The following NDUFV3 variants were observed in gnomAD, a reference collection of about 807,000 sequenced individuals.
The protein encoded by NDUFV3 is NADH dehydrogenase [ubiquinone] flavoprotein 3, mitochondrial.
A neutral mutation model predicts 37.5 loss-of-function variants in NDUFV3; 44 were observed. The observed-to-expected ratio is 1.17, with a 90% CI of 0.92 to 1.51. NDUFV3 has a LOEUF of 1.51. Ranked by LOEUF, NDUFV3 falls within the 40% of genes most tolerant of loss-of-function variation. The probability of loss-of-function intolerance (pLI) is 0.00; values close to 1 mark genes in which losing one functional copy is unlikely to be tolerated. For missense variants in NDUFV3, 580 were observed against 580.4 expected, an observed-to-expected ratio of 1.00 and a Z score of 0.01; for synonymous variants, 235 against 239.3, an observed-to-expected ratio of 0.98 and a Z score of 0.17.
intron 2 of NDUFV3, among the ~76,000 whole-genome samples, 179 bp downstream of exon 2, chr21:42,897,226 T>A (rs1427826593): frequency 1.3e-5 from 2 of 152,204 alleles, no homozygotes; most frequent in Non-Finnish European, 2.9e-5. Context: ...AACATTTCAG[T>A]CATGTCGTAG....
At position 42,904,166 on chromosome 21, in the gene NDUFV3, T is replaced by C. The variant is rs747823989; in HGVS notation, c.1154T>C (p.Val385Ala). 5.6e-6 allele frequency: 9 copies of C among 1,614,204 alleles called. No individual in the cohort carries two copies. The East Asian group carries it at 1.3e-4, about 24-fold the overall frequency. The change falls in exon 3 of 4, where the codon GTT becomes GCT. Residue 385 changes from valine to alanine, a missense_variant. By Grantham distance (64) the Val-to-Ala change is moderately conservative. Coordinates refer to ENST00000354250, the MANE Select transcript of NDUFV3 (RefSeq NM_021075.4). ...CCAAGCAATTTGGAGACAGTTCCTGTTGAGAATAACCACGGTTTCCATGAA... is the reference window on the plus strand; with the variant it reads ...CCAAGCAATTTGGAGACAGTTCCTGCTGAGAATAACCACGGTTTCCATGAA... ...IPPSNLETVP[V>A]ENNHGFHEKT... is the part of the protein sequence containing the mutation.
intron 3 of NDUFV3, among the ~76,000 whole-genome samples, chr21:42,905,329 G>A (rs965225344): frequency 1.5e-4 from 23 of 152,158 alleles, no homozygotes; most frequent in African/African-American, 5.6e-4. Context: ...CTAGATGATT[G>A]CTTTCAGCAT....
At position 42,896,966 on chromosome 21, in the gene NDUFV3, T is replaced by C. The variant is rs2058694511; in HGVS notation, c.88T>C (p.Ser30Pro). ...QEAQVFRGLA[S>P]TVSLSAESGK... ...AGCCCAGGTGTTTCGAGGACTTGCTTCTACGGTTTCTTTGTCTGCGGAATC... is the reference window on the plus strand; with the variant it reads ...AGCCCAGGTGTTTCGAGGACTTGCTCCTACGGTTTCTTTGTCTGCGGAATC... The change falls in exon 2 of 4, where the codon TCT becomes CCT. Residue 30 changes from serine (S) to proline (P), a missense_variant. Coordinates refer to ENST00000354250, the MANE Select transcript of NDUFV3 (RefSeq NM_021075.4). The C allele has an allele frequency of 3.7e-6, 6 of 1,613,952 alleles. No individual in the cohort carries two copies. The African/African-American group carries it at 4.0e-5, about 11-fold the overall frequency.
rs752916540 is a variant in NDUFV3, at chr21:42,904,203, G to A, written c.1191G>A (p.Ala397=). The A allele has an allele frequency of 2.4e-5, 38 of 1,613,932 alleles. No individual in the cohort carries two copies. The highest frequency in any genetic ancestry group is 7.7e-5 in the South Asian group (7 of 91,062). The change falls in exon 3 of 4, where the codon GCG becomes GCA. Residue 397 remains alanine, a synonymous_variant. Transcript: ENST00000354250. ...NNHGFHEKTA[A]LKLEAEGEAM... ...ACGGTTTCCATGAAAAGACAGCAGC[G>A]CTGAAGCTTGAGGCCGAGGGCGAGG...
At chr21:42,896,276 C>A (rs1226481192) in intron 1 of NDUFV3, among the ~76,000 whole-genome samples, 4 of 151,408 alleles carry the variant, frequency 2.6e-5, no homozygotes, top group Admixed American at 2.6e-4. Context: ...CCTGCCTCAG[C>A]CTCCCAAGTA....
intron 2 of NDUFV3, among the ~76,000 whole-genome samples, chr21:42,898,098 CCTT>C (rs900650370): frequency 1.2e-4 from 18 of 152,294 alleles, no homozygotes; most frequent in Non-Finnish European, 2.5e-4. Context: ...TTTTCTTCCT[CCTT>C]GGTCTGTGCA....
chr21:42,908,799 G>T, intron 3 of NDUFV3, 65 bp from the exon 4 acceptor site: 2 of 1,590,568 alleles, frequency 1.3e-6, no homozygotes, highest in Non-Finnish European at 1.7e-6. Flanking sequence ...GCCTGTGTGT[G>T]AGCCGAGTCA....
rs189825413 is a variant in NDUFV3 at position 42,906,659 on chromosome 21, C to T, written c.1265-2205C>T. Among the ~76,000 whole-genome samples, 979 of 152,340 alleles carry T rather than the reference C, an allele frequency of 6.4e-3. 7 individuals carry two copies. Among genetic ancestry groups the T allele is most frequent in the African/African-American group, 0.021 (859 of 41,578 alleles). ...TGTTGTTTCTTAACTATCTTCTGTG[C>T]GCATGCGCAGAGCCCACCTTGCAGA... On this transcript the variant is annotated intron_variant, in intron 3 of 3. Coordinates refer to ENST00000354250, the MANE Select transcript of NDUFV3 (RefSeq NM_021075.4).
Position 42,904,055 on chromosome 21 carries a change from C to G in NDUFV3, c.1043C>G (p.Pro348Arg). 6.2e-7 allele frequency: 1 copy of G among 1,614,190 alleles called. No homozygotes were observed. The highest frequency in any genetic ancestry group is 8.5e-7 in the Non-Finnish European group (1 of 1,180,038). Residue 348 changes from proline (P) to arginine (R), a missense_variant, in exon 3 of 4, where the codon CCC becomes CGC. Pro to Arg is a moderately radical substitution (Grantham distance 103). Transcript: ENST00000354250. ...GAGCCCCAGCGCAAGGCGGCCCCTCCCCTGCCCAGAAAGGAAACCTCAGGG... is the reference window on the plus strand; with the variant it reads ...GAGCCCCAGCGCAAGGCGGCCCCTCGCCTGCCCAGAAAGGAAACCTCAGGG... ...VPEPQRKAAP[P>R]LPRKETSGTQ... is the part of the protein sequence containing the mutation.
chr21:42,896,408 G>A (rs1047229471), intron 1 of NDUFV3, among the ~76,000 whole-genome samples: 6 of 151,684 alleles, frequency 4.0e-5, no homozygotes, highest in African/African-American at 7.3e-5. Context: ...CACACGCCTC[G>A]GCCTCCCAAA....
chr21:42,903,101 A>G, intron 2 of NDUFV3, 81 bp from the exon 3 acceptor site: 1 of 1,547,880 alleles, frequency 6.5e-7, no homozygotes, highest in Non-Finnish European at 8.8e-7. Flanking sequence ...GTAATAAGTA[A>G]TGTGTCATGA....
At chr21:42,899,277 G>GTATTTTTTTTTTTT (rs367688123) in intron 2 of NDUFV3, among the ~76,000 whole-genome samples, 27 of 141,162 alleles carry the variant, frequency 1.9e-4, no homozygotes, top group African/African-American at 3.7e-4. Context: ...GTTGTATCTT[G>GTATTTTTTTTTTTT]TTTTTTTTTG....
chr21:42,904,773 A>ACCGTGCCCGG (rs2058734414), intron 3 of NDUFV3, among the ~76,000 whole-genome samples: 1 of 149,626 alleles, frequency 6.7e-6, no homozygotes. Flanking sequence ...GGCATGAGCA[A>ACCGTGCCCGG]CCCCACCCTG....
rs1439324351 is a variant in NDUFV3, at chr21:42,908,990, C to T, written c.1391C>T (p.Pro464Leu). 6.2e-7 allele frequency: 1 copy of T among 1,613,862 alleles called. No homozygotes were observed. The highest frequency in any genetic ancestry group is 1.3e-5 in the African/African-American group (1 of 74,892). ...LELSKFRMPQ[P>L]SSGRESPRH is the part of the protein sequence containing the mutation. ...CTCTCAAAATTCAGGATGCCTCAGC[C>T]CTCCTCAGGCCGGGAGTCACCTCGA... The change falls in exon 4 of 4, where the codon CCC (proline) becomes CTC (leucine). Residue 464 changes from proline (P) to leucine (L), a missense_variant. Coordinates refer to ENST00000354250, the MANE Select transcript of NDUFV3 (RefSeq NM_021075.4).
At position 42,913,132 on chromosome 21, in the gene NDUFV3, A is replaced by G. The variant is rs1285322168; in HGVS notation, c.*4111A>G. On this transcript the variant is annotated 3_prime_UTR_variant, in exon 4 of 4. Transcript: ENST00000354250. ...AGTGCTCAGCTTCCTTGGTTCTACC[A>G]CCTTCTCTCCCTGACCCTCCTTCCC... The G allele has an allele frequency of 1.3e-5, 2 of 152,194 alleles. No individual in the cohort carries two copies. Among genetic ancestry groups the G allele is most frequent in the Non-Finnish European group, 2.9e-5 (2 of 68,056 alleles). 9.4% of individuals were successfully genotyped at this position (152,194 alleles called of 1,614,324 possible).
chr21:42,904,272 A>G lies in NDUFV3; in HGVS notation c.1260A>G (p.Thr420=). ...CGCCAGGGGACGACCGAGGCGGCACACAGGGTATACCTTGACTCGCGCTCC... is the reference window on the plus strand; with the variant it reads ...CGCCAGGGGACGACCGAGGCGGCACGCAGGGTATACCTTGACTCGCGCTCC... ...AAAPGDDRGG[T]QEPAPVPAEP... Residue 420 remains threonine, a synonymous_variant, in exon 3 of 4, where the codon ACA becomes ACG. Coordinates refer to ENST00000354250, the MANE Select transcript of NDUFV3 (RefSeq NM_021075.4). 1.9e-6 allele frequency: 3 copies of G among 1,593,336 alleles called. No homozygotes were observed. Among genetic ancestry groups the G allele is most frequent in the Non-Finnish European group, 2.6e-6 (3 of 1,169,516 alleles).
Position 42,903,301 on chromosome 21 carries a change from G to A in NDUFV3, c.289G>A (p.Ala97Thr), listed in dbSNP as rs1389209039. ...AGCTGTGAATAAGGGCAGGAAGGTA[G>A]CTAGTCCCAGTCCCAGTGGCAGCGT... ...PPAVNKGRKV[A>T]SPSPSGSVLF... The change falls in exon 3 of 4, where the codon GCT (alanine) becomes ACT (threonine). Residue 97 changes from alanine (A) to threonine (T), a missense_variant. Ala to Thr is a moderately conservative substitution (Grantham distance 58). Transcript: ENST00000354250. 1 of 1,614,208 alleles carries A rather than the reference G, an allele frequency of 6.2e-7. No individual in the cohort carries two copies. The highest frequency in any genetic ancestry group is 1.7e-5 in the Admixed American group (1 of 60,020).
chr21:42,910,797 G>A lies in NDUFV3; in HGVS notation c.*1776G>A, dbSNP rs2058767442. 6.5e-6 allele frequency: 1 copy of A among 154,342 alleles called. No individual in the cohort carries two copies. Among genetic ancestry groups the A allele is most frequent in the South Asian group, 1.7e-4 (1 of 5,716 alleles). 9.6% of individuals were successfully genotyped at this position (154,342 alleles called of 1,614,324 possible). On this transcript the variant is annotated 3_prime_UTR_variant, in exon 4 of 4. Coordinates refer to ENST00000354250, the MANE Select transcript of NDUFV3 (RefSeq NM_021075.4). ...GCTATTTTACCTATTTAGGGTTTCT[G>A]GGTTGGCCAAGTAACCTCCCATCCC...
intron 2 of NDUFV3, among the ~76,000 whole-genome samples, chr21:42,897,962 C>A (rs1439411696): frequency 6.6e-6 from 1 of 152,242 alleles, no homozygotes; most frequent in South Asian, 2.1e-4. Flanking sequence ...AGGCGTGAGC[C>A]ACCGTGCCCA....
Sources: allele counts gnomAD v4.1 joint callset (sites outside exome capture counted in the v4.1 genomes callset), GRCh38; gene constraint gnomAD v4.1.1; transcripts MANE v1.5; gene names NCBI Gene and HGNC (gene_info 2026-07-23, HGNC 2026-07-21).